NAT2: variants seen among roughly 807,000 people sequenced by gnomAD.
NAT2 encodes the protein arylamine N-acetyltransferase 2.
For synonymous variants in NAT2, 137 were observed against 125.9 expected, an observed-to-expected ratio of 1.09 and a Z score of -0.59; for missense variants, 428 against 339.1, an observed-to-expected ratio of 1.26 and a Z score of -2.06.
intron 1 of NAT2, among the ~76,000 whole-genome samples, chr8:18,395,108 G>C (rs1440344900): frequency 6.6e-6 from 1 of 152,146 alleles, no homozygotes; most frequent in East Asian, 1.9e-4. Context: ...CTCCTATTCT[G>C]TTAGATATTG....
At chr8:18,398,608 G>A (rs79984237) in intron 1 of NAT2, among the ~76,000 whole-genome samples, 4 of 152,250 alleles carry the variant, frequency 2.6e-5, no homozygotes, top group African/African-American at 7.2e-5. Flanking sequence ...AGTCTTCGAC[G>A]AAACCATGAA....
upstream of NAT2, among the ~76,000 whole-genome samples, chr8:18,386,792 A>G (rs185136545): frequency 3.7e-4 from 56 of 151,668 alleles, no homozygotes; most frequent in African/African-American, 1.3e-3. Flanking sequence ...CACAGAGAAG[A>G]CTGGAGGGCC....
chr8:18,396,581 AG>A (rs1284774030), intron 1 of NAT2, among the ~76,000 whole-genome samples: 1 of 152,148 alleles, frequency 6.6e-6, no homozygotes, highest in Non-Finnish European at 1.5e-5. Context: ...TTTTTAGTAG[AG>A]ACGGGGTTTC....
Position 18,401,181 on chromosome 8 carries a change from T to G in NAT2, c.*305T>G, listed in dbSNP as rs1454987022. 4.4e-6 allele frequency: 1 copy of G among 228,386 alleles called. No individual in the cohort carries two copies. Among genetic ancestry groups the G allele is most frequent in the East Asian group, 1.1e-4 (1 of 9,332 alleles). 14.1% of individuals were successfully genotyped at this position (228,386 alleles called of 1,614,324 possible). The stretch of plus-strand genomic sequence containing the variant: ...GATTTATTGTTGAATTCATAGTAAA[T>G]TTTTACTGGTAAATGAATAAAGAAT... On this transcript the variant is annotated 3_prime_UTR_variant, in exon 2 of 2. Coordinates refer to ENST00000286479, the MANE Select transcript of NAT2 (RefSeq NM_000015.3).
intron 1 of NAT2, among the ~76,000 whole-genome samples, chr8:18,395,501 C>A (rs920821355): frequency 6.6e-6 from 1 of 152,056 alleles, no homozygotes; most frequent in Non-Finnish European, 1.5e-5. Flanking sequence ...AAGTTGAACA[C>A]CATTTCATAT....
At position 18,400,442 on chromosome 8, in the gene NAT2, C is replaced by T. The variant is rs1357210737; in HGVS notation, c.439C>T (p.Pro147Ser). ...LISGKDQPQV[P>S]CIFCLTEERG... ...TTCTGGGAAGGATCAGCCTCAGGTG[C>T]CTTGCATTTTCTGCTTGACAGAAGA... Residue 147 changes from proline (P) to serine (S), a missense_variant, in exon 2 of 2, where the codon CCT becomes TCT. Physicochemically the swap from Pro to Ser is moderately conservative, Grantham distance 74. Transcript: ENST00000286479. 6.8e-6 allele frequency: 11 copies of T among 1,613,610 alleles called. No individual in the cohort carries two copies. Among genetic ancestry groups the T allele is most frequent in the Non-Finnish European group, 9.3e-6 (11 of 1,179,870 alleles).
At chr8:18,394,628 G>A (rs1201183576) in intron 1 of NAT2, among the ~76,000 whole-genome samples, 1 of 132,984 alleles carries the variant, frequency 7.5e-6, no homozygotes, top group Non-Finnish European at 1.8e-5. Context: ...GGGCCTGTCA[G>A]AATGTGACCT....
chr8:18,394,752 A>G (rs543922543), intron 1 of NAT2, among the ~76,000 whole-genome samples: 33 of 152,332 alleles, frequency 2.2e-4, no homozygotes, highest in African/African-American at 7.7e-4. Flanking sequence ...TAAAGTCCCA[A>G]TATCAATTTC....
Position 18,400,882 on chromosome 8 carries a change from G to T in NAT2, c.*6G>T, listed in dbSNP as rs758888364. ...ATGGATCCCTTACTATTTAGAATAA[G>T]GAACAAAATAAACCCTTGTGTATGT... On this transcript the variant is annotated 3_prime_UTR_variant, in exon 2 of 2. Coordinates refer to ENST00000286479, the MANE Select transcript of NAT2 (RefSeq NM_000015.3). 1.3e-6 allele frequency: 2 copies of T among 1,565,848 alleles called. No homozygotes were observed. Among genetic ancestry groups the T allele is most frequent in the Non-Finnish European group, 1.7e-6 (2 of 1,161,914 alleles).
intron 1 of NAT2, 106 bp from the exon 2 acceptor site, chr8:18,399,892 C>G: frequency 8.1e-7 from 1 of 1,236,842 alleles, no homozygotes; most frequent in African/African-American, 1.5e-5. Context: ...TACTTATAAC[C>G]ATTGTGTTTT....
In NAT2 at chr8:18,400,306, C is replaced by T; in HGVS notation, c.303C>T (p.Tyr101=). The T allele has an allele frequency of 6.2e-7, 1 of 1,613,716 alleles. No individual in the cohort carries two copies. The highest frequency in any genetic ancestry group is 8.5e-7 in the Non-Finnish European group (1 of 1,179,870). The change falls in exon 2 of 2, where the codon TAC becomes TAT. Residue 101 remains tyrosine (Y), a synonymous_variant. Transcript: ENST00000286479. ...TTTACATCCCTCCAGTTAACAAATA[C>T]AGCACTGGCATGGTTCACCTTCTCC... is the stretch of plus-strand genomic sequence containing the variant. ...GYFYIPPVNK[Y]STGMVHLLLQ...
chr8:18,386,937 T>G (rs556359159), upstream of NAT2, among the ~76,000 whole-genome samples: 1 of 152,160 alleles, frequency 6.6e-6, no homozygotes, highest in Admixed American at 6.5e-5. Flanking sequence ...CCCTTTCACA[T>G]GGAGAAGCCG....
At chr8:18,398,285 C>T (rs1332630563) in intron 1 of NAT2, among the ~76,000 whole-genome samples, 1 of 152,172 alleles carries the variant, frequency 6.6e-6, no homozygotes, top group Non-Finnish European at 1.5e-5. Context: ...AGCATGTACT[C>T]CTTCCTTCTG....
chr8:18,391,602 A>G (rs1441001728), intron 1 of NAT2, among the ~76,000 whole-genome samples: 2 of 152,304 alleles, frequency 1.3e-5, no homozygotes, highest in East Asian at 1.9e-4. Flanking sequence ...GTCAAAATGG[A>G]CTGTTTGTGG....
Position 18,400,278 on chromosome 8 carries a change from A to G in NAT2, c.275A>G (p.Tyr92Cys). 6.2e-7 allele frequency: 1 copy of G among 1,613,528 alleles called. No individual in the cohort carries two copies. The highest frequency in any genetic ancestry group is 8.5e-7 in the Non-Finnish European group (1 of 1,179,728). The change falls in exon 2 of 2, where the codon TAT becomes TGT. Residue 92 changes from tyrosine to cysteine, a missense_variant. Tyr to Cys is a radical substitution (Grantham distance 194, BLOSUM62 -2). Coordinates refer to ENST00000286479, the MANE Select transcript of NAT2 (RefSeq NM_000015.3). Reference protein sequence around the residue: ...IGFQTTMLGGYFYIPPVNKYS... With the variant: ...IGFQTTMLGGCFYIPPVNKYS... Reference sequence around the variant, plus strand: ...TTTCAGACCACAATGTTAGGAGGGTATTTTTACATCCCTCCAGTTAACAAA... The same window carrying G: ...TTTCAGACCACAATGTTAGGAGGGTGTTTTTACATCCCTCCAGTTAACAAA...
chr8:18,400,590 C>G lies in NAT2; in HGVS notation c.587C>G (p.Pro196Arg), dbSNP rs775284097. The G allele has an allele frequency of 6.2e-7, 1 of 1,613,294 alleles. No homozygotes were observed. Among genetic ancestry groups the G allele is most frequent in the African/African-American group, 1.3e-5 (1 of 74,970 alleles). ...HQKIYLFTLE[P>R]RTIEDFESMN... ...AAAATATACTTATTTACGCTTGAAC[C>G]TCGAACAATTGAAGATTTTGAGTCT... The change falls in exon 2 of 2, where the codon CCT becomes CGT. Residue 196 changes from proline (P) to arginine (R), a missense_variant. By Grantham distance (103) the Pro-to-Arg change is moderately radical. Transcript: ENST00000286479.
At position 18,400,015 on chromosome 8, in the gene NAT2, A is replaced by C. The variant is rs1800759788; in HGVS notation, c.12A>C (p.Glu4Asp). The C allele has an allele frequency of 1.9e-6, 3 of 1,587,748 alleles. No homozygotes were observed. The highest frequency in any genetic ancestry group is 2.6e-6 in the Non-Finnish European group (3 of 1,165,090). Residue 4 changes from glutamate (E) to aspartate (D), a missense_variant, in exon 2 of 2, where the codon GAA becomes GAC. Physicochemically the swap from Glu to Asp is conservative, Grantham distance 45. Coordinates refer to ENST00000286479, the MANE Select transcript of NAT2 (RefSeq NM_000015.3). MDI[E>D]AYFERIGYKN... ...TTGCTTAGGGGATCATGGACATTGA[A>C]GCATATTTTGAAAGAATTGGCTATA...
chr8:18,386,354 G>A (rs1361025247), upstream of NAT2, among the ~76,000 whole-genome samples: 1 of 152,172 alleles, frequency 6.6e-6, no homozygotes, highest in Admixed American at 6.5e-5. Flanking sequence ...GTTCAGAGGT[G>A]GCCATGTGGC....
intron 1 of NAT2, among the ~76,000 whole-genome samples, chr8:18,394,220 G>C (rs1800643562): frequency 1.3e-5 from 2 of 152,186 alleles, no homozygotes; most frequent in South Asian, 4.1e-4. Flanking sequence ...AGTGTCATCA[G>C]TTAAGGCAGG....
Sources: gnomAD v4.1 joint callset for allele counts (sites outside exome capture counted in the v4.1 genomes callset) on GRCh38, gnomAD v4.1.1 for gene constraint, MANE v1.5 for transcripts, NCBI Gene and HGNC (gene_info 2026-07-23, HGNC 2026-07-21) for gene names.